HECA: variants seen among roughly 807,000 people sequenced by gnomAD.
The protein encoded by HECA is headcase protein homolog.
Under a neutral mutation model 37.6 loss-of-function variants are expected in HECA, and 13 were observed. That is an observed-to-expected ratio of 0.35 (90% CI 0.23 to 0.55). The LOEUF (loss-of-function observed/expected upper bound fraction) is 0.55. Among genes scored for constraint, HECA ranks in the 20% least tolerant of loss-of-function variants. The pLI is 0.90. For missense variants in HECA, 527 were observed against 701.9 expected (o/e 0.75, Z 2.82); for synonymous variants, 307 against 291.5 (o/e 1.05, Z -0.54).
At chr6:139,168,381 C>A (rs948112175) in intron 2 of HECA, among the ~76,000 whole-genome samples, 1 of 149,324 alleles carries the variant, frequency 6.7e-6, no homozygotes, top group African/African-American at 2.5e-5. Context: ...GTCTAGGACT[C>A]CTTTTGTTTT....
chr6:139,135,483 C>T lies in HECA; in HGVS notation c.87C>T (p.Ala29=). 2.4e-6 allele frequency: 3 copies of T among 1,224,616 alleles called. No individual in the cohort carries two copies. Among genetic ancestry groups the T allele is most frequent in the Non-Finnish European group, 3.1e-6 (3 of 958,710 alleles). The allele number at this position is 1,224,616 out of a possible 1,614,324, so 75.9% of individuals were successfully genotyped here. The change falls in exon 1 of 4, where the codon GCC becomes GCT. Residue 29 remains alanine (A), a synonymous_variant. Transcript: ENST00000367658. ...ACGAGCAGGAAAATGGAGCCGGGGC[C>T]CTGGCAGCGGCGGGCGCGGCGGGAG... The part of the protein sequence containing the change: ...SGDEQENGAG[A]LAAAGAAGAA...
intron 1 of HECA, among the ~76,000 whole-genome samples, chr6:139,162,057 G>A (rs578248762): frequency 3.3e-5 from 5 of 152,090 alleles, no homozygotes; most frequent in South Asian, 2.1e-4. Flanking sequence ...TCTTTAATGC[G>A]ACTTTTTTCA....
At chr6:139,144,954 T>C (rs1203323047) in intron 1 of HECA, among the ~76,000 whole-genome samples, 3 of 152,162 alleles carry the variant, frequency 2.0e-5, no homozygotes, top group Non-Finnish European at 4.4e-5. Context: ...TAGATGCCAG[T>C]GGGAGGGATT....
chr6:139,147,025 C>T (rs10872507), intron 1 of HECA, among the ~76,000 whole-genome samples: 83,330 of 151,972 alleles, frequency 0.55, 23,767 homozygotes, highest in Non-Finnish European at 0.59. Context: ...CACAGCTCCC[C>T]TTTTTGAGTG....
At chr6:139,175,975 A>C (rs1387624955) in intron 3 of HECA, among the ~76,000 whole-genome samples, 2 of 152,258 alleles carry the variant, frequency 1.3e-5, no homozygotes, top group Non-Finnish European at 2.9e-5. Flanking sequence ...GTTAGACGCT[A>C]CTAATGAATC....
At chr6:139,141,986 G>A (rs1197814972) in intron 1 of HECA, among the ~76,000 whole-genome samples, 2 of 136,842 alleles carry the variant, frequency 1.5e-5, no homozygotes, top group Non-Finnish European at 3.0e-5. Flanking sequence ...GAGTGCAGTG[G>A]TGTGATCTCG....
chr6:139,167,834 C>G (rs1374418413), intron 2 of HECA, among the ~76,000 whole-genome samples: 1 of 152,026 alleles, frequency 6.6e-6, no homozygotes, highest in Non-Finnish European at 1.5e-5. Context: ...GACATTAGCC[C>G]GGTGGTGGTG....
At position 139,141,410 on chromosome 6, in the gene HECA, A is replaced by G. The variant is rs555991423; in HGVS notation, c.271+5743A>G. Reference sequence around the variant, plus strand: ...GCAGTAAATATACAGGTGCATCATCATATGTCTGCACCTTGGAAATTTGAT... The same window carrying G: ...GCAGTAAATATACAGGTGCATCATCGTATGTCTGCACCTTGGAAATTTGAT... On this transcript the variant is annotated intron_variant, in intron 1 of 3. Transcript: ENST00000367658. Among the ~76,000 whole-genome samples, 11 of 152,322 alleles carry G rather than the reference A, an allele frequency of 7.2e-5. No homozygotes were observed. In the East Asian group the frequency reaches 1.7e-3, roughly 24 times the overall value.
chr6:139,157,409 G>A (rs1774732336), intron 1 of HECA, among the ~76,000 whole-genome samples: 1 of 152,150 alleles, frequency 6.6e-6, no homozygotes, highest in East Asian at 1.9e-4. Flanking sequence ...ATTTAAGATA[G>A]AGTTGCTCTG....
chr6:139,155,557 T>C (rs940842260), intron 1 of HECA: 3 of 152,210 alleles, frequency 2.0e-5, no homozygotes, highest in African/African-American at 7.2e-5. Flanking sequence ...ATATAGCATA[T>C]GACTGTATAT....
intron 1 of HECA, among the ~76,000 whole-genome samples, chr6:139,164,022 A>G (rs1028044936): frequency 5.3e-5 from 8 of 151,854 alleles, no homozygotes; most frequent in Non-Finnish European, 1.2e-4. Context: ...TGCTGTTCCC[A>G]CATTGCTGTC....
At chr6:139,145,696 A>AGT (rs1774576681) in intron 1 of HECA, among the ~76,000 whole-genome samples, 1 of 152,220 alleles carries the variant, frequency 6.6e-6, no homozygotes, top group African/African-American at 2.4e-5. Flanking sequence ...AATGGTTAGA[A>AGT]GTAGGGGCTT....
At chr6:139,137,766 G>A (rs1365695677) in intron 1 of HECA, among the ~76,000 whole-genome samples, 1 of 150,124 alleles carries the variant, frequency 6.7e-6, no homozygotes, top group African/African-American at 2.5e-5. Flanking sequence ...CTCCTAGTTT[G>A]TACATAACAA....
intron 1 of HECA, among the ~76,000 whole-genome samples, chr6:139,143,548 A>G (rs2114438121): frequency 6.6e-6 from 1 of 152,326 alleles, no homozygotes. Flanking sequence ...ACATGTAAAA[A>G]TGGGTACATC....
intron 1 of HECA, among the ~76,000 whole-genome samples, chr6:139,148,490 G>A (rs906896908): frequency 2.6e-5 from 4 of 152,340 alleles, no homozygotes; most frequent in Non-Finnish European, 4.4e-5. Flanking sequence ...CCCGCCAGGT[G>A]TGGTGGCTTA....
Position 139,135,683 on chromosome 6 carries a change from C to T in HECA, c.271+16C>T, listed in dbSNP as rs190506143. ...GCCAAAAACGGTAAGACGGGGCTGG[C>T]GGGGCGAGCGCCAACTTCCTCCCCG... On this transcript the variant is annotated intron_variant, in intron 1 of 3. Transcript: ENST00000367658. The T allele has an allele frequency of 0.039, 38,075 of 976,048 alleles. 819 individuals carry two copies. The highest frequency in any genetic ancestry group is 0.062 in the African/African-American group (3,527 of 56,610). The allele number at this position is 976,048 out of a possible 1,614,324, so 60.5% of individuals were successfully genotyped here. A position where few individuals can be genotyped will look rare whatever the true frequency, so the allele number is the denominator to read the frequency against.
chr6:139,137,712 A>C (rs992272699), intron 1 of HECA, among the ~76,000 whole-genome samples: 1 of 148,916 alleles, frequency 6.7e-6, no homozygotes, highest in African/African-American at 2.5e-5. Context: ...GATTAGTCCA[A>C]TTTAAGGTGG....
intron 1 of HECA, among the ~76,000 whole-genome samples, chr6:139,164,341 AG>A (rs1320322503): frequency 5.3e-5 from 8 of 150,434 alleles, no homozygotes; most frequent in Non-Finnish European, 7.4e-5. Context: ...TTCCCTCCAA[AG>A]GGGCCCTTTG....
chr6:139,135,379 T>C lies in HECA; in HGVS notation c.-18T>C. 7.4e-7 allele frequency: 1 copy of C among 1,347,572 alleles called. No individual in the cohort carries two copies. Among genetic ancestry groups the C allele is most frequent in the Non-Finnish European group, 9.8e-7 (1 of 1,025,268 alleles). The allele number at this position is 1,347,572 out of a possible 1,614,324, so 83.5% of individuals were successfully genotyped here. A position where few individuals can be genotyped will look rare whatever the true frequency, so the allele number is the denominator to read the frequency against. On this transcript the variant is annotated 5_prime_UTR_variant, in exon 1 of 4. Coordinates refer to ENST00000367658, the MANE Select transcript of HECA (RefSeq NM_016217.3). ...CCTTCGCTGACGCCGGGCACCTACC[T>C]GGACGCGAGCGAGCGAGATGCCCAA...
Sources: allele counts gnomAD v4.1 joint callset (sites outside exome capture counted in the v4.1 genomes callset), GRCh38; gene constraint gnomAD v4.1.1; transcripts MANE v1.5; gene names NCBI Gene and HGNC (gene_info 2026-07-23, HGNC 2026-07-21).